HECTD2: variants seen among roughly 807,000 people sequenced by gnomAD.
The protein encoded by HECTD2 is probable E3 ubiquitin-protein ligase HECTD2.
A neutral mutation model predicts 103.2 loss-of-function variants in HECTD2; 35 were observed. The observed-to-expected ratio is 0.34, with a 90% confidence interval of 0.26 to 0.45. The LOEUF (loss-of-function observed/expected upper bound fraction) is 0.45, where lower values mean the gene tolerates loss of function less well. Ranked by LOEUF, HECTD2 falls within the 20% of genes least tolerant of loss-of-function variation. The pLI, the probability that HECTD2 is intolerant of heterozygous loss-of-function variation, is 1.00. For missense variants in HECTD2, 596 were observed against 937.4 expected (o/e 0.64, Z 4.76); for synonymous variants, 281 against 329.9 (o/e 0.85, Z 1.61).
intron 5 of HECTD2, among the ~76,000 whole-genome samples, chr10:91,474,697 G>A (rs1041098689): frequency 6.6e-6 from 1 of 152,160 alleles, no homozygotes; most frequent in Admixed American, 6.5e-5. Context: ...GCTCTAAGTA[G>A]CTTATATTCT....
At chr10:91,489,512 C>T (rs1679040458) in intron 11 of HECTD2, 1 of 152,088 alleles carries the variant, frequency 6.6e-6, no homozygotes, top group Admixed American at 6.5e-5. Flanking sequence ...GAGCATTTTC[C>T]AGTAAATATG....
At chr10:91,454,829 T>C (rs1170678839) in intron 2 of HECTD2, among the ~76,000 whole-genome samples, 1 of 152,016 alleles carries the variant, frequency 6.6e-6, no homozygotes, top group Non-Finnish European at 1.5e-5. Flanking sequence ...GTTTGGTTTT[T>C]TGTCCTTGCG....
intron 20 of HECTD2, among the ~76,000 whole-genome samples, chr10:91,504,063 G>A (rs1461069816): frequency 2.0e-5 from 3 of 152,012 alleles, no homozygotes; most frequent in Non-Finnish European, 4.4e-5. Flanking sequence ...TGCACCTGAG[G>A]GTCCTGTCTG....
At position 91,424,381 on chromosome 10, in the gene HECTD2, G is replaced by A. The variant is rs538868940; in HGVS notation, c.139-900G>A. Among the ~76,000 whole-genome samples, 11 of 152,198 alleles carry A rather than the reference G, an allele frequency of 7.2e-5. 1 individual carries two copies. The South Asian group carries it at 2.1e-3, about 29-fold the overall frequency. ...AATCAGTCTGGTGAATTAAGAAGGA[G>A]GAGATGAAAAAGAAACTCTTCCTCT... On this transcript the variant is annotated intron_variant, in intron 1 of 20. Transcript: ENST00000298068.
At position 91,415,412 on chromosome 10, in the gene HECTD2, C is replaced by T. The variant is rs1005500299; in HGVS notation, c.138+4836C>T. 9.9e-5 allele frequency among the ~76,000 whole-genome samples: 15 copies of T among 152,076 alleles called. 1 individual carries two copies. The highest frequency in any genetic ancestry group is 5.9e-5 in the Non-Finnish European group (4 of 68,008). On this transcript the variant is annotated intron_variant, in intron 1 of 20. Coordinates refer to ENST00000298068, the MANE Select transcript of HECTD2 (RefSeq NM_182765.6). ...AAATATACAAAATAAGTGTTTATAA[C>T]AATAATAGCTACTTATTGAGTGCCT...
rs1847500434 is a variant in HECTD2, at chr10:91,513,405, CTT to C, written c.*1022_*1023del. Reference sequence around the variant, plus strand: ...GACAAAAGTGAATACAATAATAACACTTGTGTCAAAATGATATAGCTTAGTAT... The same window carrying C: ...GACAAAAGTGAATACAATAATAACACGTGTCAAAATGATATAGCTTAGTAT... On this transcript the variant is annotated 3_prime_UTR_variant, in exon 21 of 21. Transcript: ENST00000298068. 6.6e-6 allele frequency: 1 copy of C among 152,508 alleles called. No individual in the cohort carries two copies. The highest frequency in any genetic ancestry group is 1.5e-5 in the Non-Finnish European group (1 of 67,990). 9.4% of individuals were successfully genotyped at this position (152,508 alleles called of 1,614,324 possible). A position where few individuals can be genotyped will look rare whatever the true frequency, so the allele number is the denominator to read the frequency against.
chr10:91,469,809 T>C (rs1473952423), intron 5 of HECTD2, among the ~76,000 whole-genome samples: 1 of 152,180 alleles, frequency 6.6e-6, no homozygotes, highest in Non-Finnish European at 1.5e-5. Context: ...CCAAACTATA[T>C]GCTGTCTTCA....
intron 2 of HECTD2, among the ~76,000 whole-genome samples, chr10:91,438,162 A>G (rs1169070311): frequency 6.6e-6 from 1 of 151,776 alleles, no homozygotes; most frequent in East Asian, 1.9e-4. Flanking sequence ...ATACACGTGC[A>G]ATGGTGGTTG....
At chr10:91,481,551 A>G (rs1846085803) in intron 7 of HECTD2, among the ~76,000 whole-genome samples, 1 of 151,378 alleles carries the variant, frequency 6.6e-6, no homozygotes, top group Non-Finnish European at 1.5e-5. Context: ...TCACTTCACT[A>G]TGTATTTTTC....
intron 20 of HECTD2, among the ~76,000 whole-genome samples, chr10:91,509,357 C>T (rs1157229950): frequency 2.6e-5 from 4 of 151,916 alleles, no homozygotes; most frequent in Admixed American, 2.0e-4. Flanking sequence ...TTATACACTG[C>T]TGGTGGGAAT....
At chr10:91,507,994 C>A in intron 20 of HECTD2, among the ~76,000 whole-genome samples, 1 of 136,210 alleles carries the variant, frequency 7.3e-6, no homozygotes, top group African/African-American at 3.6e-5. Context: ...TGATCTTTGA[C>A]AAACCTGAGA....
intron 7 of HECTD2, 141 bp from the exon 8 acceptor site, chr10:91,482,822 TGTTA>T: frequency 2.1e-6 from 1 of 466,846 alleles, no homozygotes; most frequent in Non-Finnish European, 3.8e-6. Flanking sequence ...TGAAAGTCTC[TGTTA>T]ATTAAATAAC....
intron 1 of HECTD2, among the ~76,000 whole-genome samples, chr10:91,415,193 AGT>A (rs397846279): frequency 0.035 from 4,875 of 141,122 alleles, 73 homozygotes; most frequent in Non-Finnish European, 0.039. Flanking sequence ...AATTAGAGAA[AGT>A]GTGTGTGTGT....
chr10:91,485,521 G>T, intron 10 of HECTD2: 1 of 399,990 alleles, frequency 2.5e-6, no homozygotes, highest in Non-Finnish European at 4.4e-6. Flanking sequence ...TTGGTTAATA[G>T]CATCTTTTCA....
intron 2 of HECTD2, among the ~76,000 whole-genome samples, chr10:91,445,907 T>C (rs185731485): frequency 5.9e-5 from 9 of 152,202 alleles, no homozygotes; most frequent in Admixed American, 2.0e-4. Flanking sequence ...GGAGATTCTC[T>C]TGGGTGCCTA....
chr10:91,458,715 C>G (rs1215595585), intron 2 of HECTD2, among the ~76,000 whole-genome samples: 1 of 151,830 alleles, frequency 6.6e-6, no homozygotes, highest in African/African-American at 2.4e-5. Flanking sequence ...TAACCCCAAA[C>G]TCACACCTTA....
At chr10:91,416,429 T>C (rs78076723) in intron 1 of HECTD2, among the ~76,000 whole-genome samples, 1 of 152,354 alleles carries the variant, frequency 6.6e-6, no homozygotes, top group African/African-American at 2.4e-5. Flanking sequence ...CTTTTCTGTT[T>C]AGATATGTTT....
At chr10:91,414,892 T>C (rs966129507) in intron 1 of HECTD2, among the ~76,000 whole-genome samples, 13 of 152,024 alleles carry the variant, frequency 8.6e-5, no homozygotes, top group African/African-American at 1.9e-4. Flanking sequence ...AGTTTTTTTT[T>C]CCCCCTGCGG....
At chr10:91,462,297 A>T (rs1285442592) in intron 5 of HECTD2, 113 bp downstream of exon 5, 2 of 1,215,312 alleles carry the variant, frequency 1.6e-6, no homozygotes, top group African/African-American at 3.2e-5. Context: ...CTCTGATACA[A>T]TTTTATAGTA....
Sources: gnomAD v4.1 joint callset for allele counts (sites outside exome capture counted in the v4.1 genomes callset) on GRCh38, gnomAD v4.1.1 for gene constraint, MANE v1.5 for transcripts, NCBI Gene and HGNC (gene_info 2026-07-23, HGNC 2026-07-21) for gene names.